The following PPP1R14D variants were observed in gnomAD, a reference collection of about 807,000 sequenced individuals.
The protein encoded by PPP1R14D is protein phosphatase 1 regulatory subunit 14D.
In PPP1R14D, 14 loss-of-function variants were observed where a neutral mutation model predicts 17.1. The observed-to-expected ratio is 0.82, with a 90% confidence interval of 0.54 to 1.28. PPP1R14D has a LOEUF of 1.28. PPP1R14D is among the 50% of genes most tolerant of loss of function. The probability of loss-of-function intolerance (pLI) is 0.00; values close to 1 mark genes in which losing one functional copy is unlikely to be tolerated. For missense variants in PPP1R14D, 173 were observed against 179.2 expected (o/e 0.97, Z 0.20); for synonymous variants, 67 against 66.1 (o/e 1.01, Z -0.06).
At chr15:40,818,867 T>C (rs1890722495) in intron 1 of PPP1R14D, among the ~76,000 whole-genome samples, 1 of 152,006 alleles carries the variant, frequency 6.6e-6, no homozygotes, top group African/African-American at 2.4e-5. Context: ...GTTGATAATG[T>C]TGTCAGTGTA....
chr15:40,825,492 C>A (rs912896103), intron 1 of PPP1R14D, among the ~76,000 whole-genome samples: 10 of 152,158 alleles, frequency 6.6e-5, no homozygotes, highest in Non-Finnish European at 2.9e-5. Context: ...AGACCCCACA[C>A]CAGGCTGCAC....
intron 1 of PPP1R14D, among the ~76,000 whole-genome samples, chr15:40,818,076 G>T (rs1306799490): frequency 2.0e-5 from 3 of 151,978 alleles, no homozygotes; most frequent in Admixed American, 1.3e-4. Flanking sequence ...TGATCACGAG[G>T]TCAGGAGATT....
chr15:40,827,443 G>C (rs1240636617), intron 1 of PPP1R14D, among the ~76,000 whole-genome samples: 2 of 152,154 alleles, frequency 1.3e-5, no homozygotes, highest in African/African-American at 4.8e-5. Flanking sequence ...GGGAGGCGGA[G>C]GTTGCAGTGA....
At chr15:40,816,092 T>G in intron 2 of PPP1R14D, 78 bp downstream of exon 2, 1 of 1,601,578 alleles carries the variant, frequency 6.2e-7, no homozygotes, top group Non-Finnish European at 8.6e-7. Flanking sequence ...ATTGGTTCTC[T>G]GCACTCCACC....
At chr15:40,817,342 A>G (rs1182453071) in intron 1 of PPP1R14D, 3 of 151,710 alleles carry the variant, frequency 2.0e-5, no homozygotes, top group Non-Finnish European at 2.9e-5. Flanking sequence ...GTGACAGAGC[A>G]AGACTCTGTC....
intron 1 of PPP1R14D, 67 bp from the exon 2 acceptor site, chr15:40,816,320 A>T: frequency 2.2e-6 from 3 of 1,347,906 alleles, no homozygotes; most frequent in Non-Finnish European, 3.2e-6. Flanking sequence ...GGTTACTGTC[A>T]GGGACTCAAC....
chr15:40,816,044 C>CA (rs778962584), intron 2 of PPP1R14D, 50 bp from the exon 3 acceptor site: 483 of 1,608,680 alleles, frequency 3.0e-4, no homozygotes, highest in Non-Finnish European at 3.9e-4. Context: ...CACTTTCCCG[C>CA]AAGTCCCCAC....
In PPP1R14D at chr15:40,828,487, C is replaced by T. The variant is rs202066593; in HGVS notation, c.155G>A (p.Arg52Gln). 1.1e-5 allele frequency: 17 copies of T among 1,614,192 alleles called. No homozygotes were observed. The highest frequency in any genetic ancestry group is 6.7e-5 in the East Asian group (3 of 44,878). The change falls in exon 1 of 4, where the codon CGG (arginine) becomes CAG (glutamine). Residue 52 changes from arginine (R) to glutamine (Q), a missense_variant. Arg to Gln is a conservative substitution (Grantham distance 43). Transcript: ENST00000299174. ...CTTCACTGTCAGGCGGCTGGGTCTC[C>T]GGGACCTGGGTATCTTGGAGGAGTC... is the stretch of plus-strand genomic sequence containing the variant. ...HPDSSKIPRS[R>Q]RPSRLTVKYD... is the part of the protein sequence containing the mutation.
intron 1 of PPP1R14D, among the ~76,000 whole-genome samples, chr15:40,826,450 G>A (rs796571657): frequency 5.9e-5 from 9 of 152,256 alleles, no homozygotes; most frequent in African/African-American, 2.2e-4. Context: ...CCAACTGTGG[G>A]GCTTTTAAAA....
chr15:40,825,986 T>A (rs941932554), intron 1 of PPP1R14D, among the ~76,000 whole-genome samples: 1 of 152,186 alleles, frequency 6.6e-6, no homozygotes, highest in Non-Finnish European at 1.5e-5. Flanking sequence ...CCCCGGAATG[T>A]CAGAAATTTG....
chr15:40,826,090 G>A (rs552379651), intron 1 of PPP1R14D, among the ~76,000 whole-genome samples: 2 of 152,314 alleles, frequency 1.3e-5, no homozygotes, highest in South Asian at 2.1e-4. Context: ...TATGTCCTGC[G>A]AGGTCAGAGC....
intron 1 of PPP1R14D, among the ~76,000 whole-genome samples, chr15:40,826,804 T>TA: frequency 6.6e-6 from 1 of 151,754 alleles, no homozygotes; most frequent in African/African-American, 2.4e-5. Flanking sequence ...CTCATCTCTA[T>TA]AAAAAAAGAA....
intron 1 of PPP1R14D, among the ~76,000 whole-genome samples, chr15:40,822,268 T>G (rs1007066843): frequency 6.6e-6 from 1 of 151,896 alleles, no homozygotes; most frequent in Non-Finnish European, 1.5e-5. Flanking sequence ...GCAGATTGCT[T>G]GAGCCCAAAA....
intron 1 of PPP1R14D, among the ~76,000 whole-genome samples, chr15:40,816,749 T>C (rs1447942019): frequency 6.6e-6 from 1 of 151,502 alleles, no homozygotes; most frequent in African/African-American, 2.4e-5. Flanking sequence ...AAAAAAGACA[T>C]CTGTTAAGGG....
intron 1 of PPP1R14D, among the ~76,000 whole-genome samples, chr15:40,822,093 C>A (rs1174526540): frequency 3.3e-5 from 5 of 152,114 alleles, no homozygotes; most frequent in Middle Eastern, 3.4e-3. Context: ...GCCTGGGCAA[C>A]ATGGCAGACC....
At position 40,828,598 on chromosome 15, in the gene PPP1R14D, T is replaced by C. The variant is rs1170038345; in HGVS notation, c.44A>G (p.Asp15Gly). Residue 15 changes from aspartate (D) to glycine (G), a missense_variant, in exon 1 of 4, where the codon GAT becomes GGT. Physicochemically the swap from Asp to Gly is moderately conservative, Grantham distance 94. Coordinates refer to ENST00000299174, the MANE Select transcript of PPP1R14D (RefSeq NM_017726.8). Reference protein sequence around the residue: ...SPASCTSPSPDGENPCKKVHW... With the variant: ...SPASCTSPSPGGENPCKKVHW... ...GACCTTCTTACATGGGTTCTCCCCA[T>C]CTGGGCTGGGAGATGTGCAGGAAGC... 1 of 1,614,008 alleles carries C rather than the reference T, an allele frequency of 6.2e-7. No homozygotes were observed. Among genetic ancestry groups the C allele is most frequent in the South Asian group, 1.1e-5 (1 of 91,052 alleles).
Position 40,819,305 on chromosome 15 carries a change from C to T in PPP1R14D, c.256-3052G>A, listed in dbSNP as rs181271080. The stretch of plus-strand genomic sequence containing the variant: ...AAACAAAATCTTAGCATTGGCCAGG[C>T]GCGAGGCTGAGGCAGATGGATCACT... On this transcript the variant is annotated intron_variant, in intron 1 of 3. Coordinates refer to ENST00000299174, the MANE Select transcript of PPP1R14D (RefSeq NM_017726.8). Among the ~76,000 whole-genome samples, 4 of 152,156 alleles carry T rather than the reference C, an allele frequency of 2.6e-5. No homozygotes were observed. The East Asian group carries it at 7.7e-4, about 29-fold the overall frequency.
intron 1 of PPP1R14D, among the ~76,000 whole-genome samples, chr15:40,819,772 T>C (rs897842890): frequency 1.3e-5 from 2 of 152,158 alleles, no homozygotes; most frequent in African/African-American, 4.8e-5. Flanking sequence ...CCACATATGA[T>C]GGAAATAGCT....
intron 1 of PPP1R14D, chr15:40,817,450 A>G (rs1890692798): frequency 6.5e-6 from 1 of 152,684 alleles, no homozygotes; most frequent in African/African-American, 2.4e-5. Flanking sequence ...TAAATAAGAT[A>G]TATAGATGAA....
Sources: gnomAD v4.1 joint callset for allele counts (sites outside exome capture counted in the v4.1 genomes callset) on GRCh38, gnomAD v4.1.1 for gene constraint, MANE v1.5 for transcripts, NCBI Gene and HGNC (gene_info 2026-07-23, HGNC 2026-07-21) for gene names.